The following CNN3 variants were observed in gnomAD, a reference collection of about 807,000 sequenced individuals.
CNN3 encodes the protein calponin 3.
CNN3 carries 11 observed loss-of-function variants against 39.0 expected under a neutral mutation model. The ratio of observed to expected loss-of-function variants is 0.28; its 90% CI spans 0.18 to 0.47. The LOEUF (loss-of-function observed/expected upper bound fraction) is 0.47, where lower values mean the gene tolerates loss of function less well. Ranked by LOEUF, CNN3 falls within the 20% of genes least tolerant of loss-of-function variation. The pLI is 0.99. For missense variants in CNN3, 266 were observed against 403.4 expected (o/e 0.66, Z 2.92); for synonymous variants, 101 against 138.3 (o/e 0.73, Z 1.89).
At chr1:94,910,422 G>C (rs548209239) in intron 1 of CNN3, among the ~76,000 whole-genome samples, 3 of 151,876 alleles carry the variant, frequency 2.0e-5, no homozygotes, top group Non-Finnish European at 4.4e-5. Flanking sequence ...AGAGAACAAT[G>C]GGGGCTAACA....
At chr1:94,913,227 T>C (rs1341197976) in intron 1 of CNN3, among the ~76,000 whole-genome samples, 6 of 152,182 alleles carry the variant, frequency 3.9e-5, no homozygotes, top group African/African-American at 1.2e-4. Context: ...CTTCATAAAA[T>C]AGTATTGCTT....
chr1:94,917,068 C>T (rs1671302757), intron 1 of CNN3, among the ~76,000 whole-genome samples: 1 of 152,128 alleles, frequency 6.6e-6, no homozygotes, highest in African/African-American at 2.4e-5. Context: ...TGGAATTTCG[C>T]TCTTGTTGCA....
chr1:94,915,956 A>G (rs1671269553), intron 1 of CNN3, among the ~76,000 whole-genome samples: 1 of 151,516 alleles, frequency 6.6e-6, no homozygotes, highest in East Asian at 1.9e-4. Context: ...CTTCCCACTG[A>G]CCCTCCTGCC....
At chr1:94,901,403 A>T (rs372076761) in intron 5 of CNN3, among the ~76,000 whole-genome samples, 20,175 of 149,854 alleles carry the variant, frequency 0.13, 1,563 homozygotes, top group African/African-American at 0.2. Flanking sequence ...TTTCTTTTTT[A>T]AAAAAAAAAA....
chr1:94,913,566 T>C (rs1671216403), intron 1 of CNN3, among the ~76,000 whole-genome samples: 1 of 152,216 alleles, frequency 6.6e-6, no homozygotes, highest in South Asian at 2.1e-4. Flanking sequence ...GAGTGATGCA[T>C]TCTGAAGGGA....
chr1:94,922,823 T>C (rs772190361), intron 1 of CNN3, among the ~76,000 whole-genome samples: 11 of 152,212 alleles, frequency 7.2e-5, no homozygotes, highest in Non-Finnish European at 1.2e-4. Context: ...ACCAAAGATT[T>C]TGGTAATAAG....
intron 1 of CNN3, among the ~76,000 whole-genome samples, chr1:94,907,957 C>T (rs1671053189): frequency 6.6e-6 from 1 of 152,242 alleles, no homozygotes; most frequent in African/African-American, 2.4e-5. Context: ...TCTTGGCCTT[C>T]CCAAGCTGCT....
At chr1:94,914,293 G>A (rs1454517606) in intron 1 of CNN3, among the ~76,000 whole-genome samples, 1 of 152,114 alleles carries the variant, frequency 6.6e-6, no homozygotes, top group Non-Finnish European at 1.5e-5. Context: ...GTTTCAGAAT[G>A]TACACTCACT....
chr1:94,903,029 A>G, intron 3 of CNN3, 93 bp downstream of exon 3: 4 of 960,456 alleles, frequency 4.2e-6, no homozygotes, highest in Non-Finnish European at 5.9e-6. Context: ...AAAAAAAAAA[A>G]AAACACAAAA....
Position 94,899,508 on chromosome 1 carries a change from T to C in CNN3, c.511A>G (p.Asn171Asp), listed in dbSNP as rs1170946345. ...ATACCTGCCTGGCTGGCACATTTGT[T>C]GGTTCCCATCTTTTAAGTTAAAAAT... ...QSVIGLQMGT[N>D]KCASQAGMTA... Residue 171 changes from asparagine to aspartate, a missense_variant, in exon 6 of 7, where the codon AAC (asparagine) becomes GAC (aspartate). Physicochemically the swap from Asn to Asp is conservative, Grantham distance 23 (BLOSUM62 1). Transcript: ENST00000370206. 1 of 1,611,834 alleles carries C rather than the reference T, an allele frequency of 6.2e-7. No homozygotes were observed. The highest frequency in any genetic ancestry group is 1.7e-5 in the Admixed American group (1 of 59,422).
rs772876995 is a variant in CNN3, at chr1:94,926,849, C to T, written c.46G>A (p.Val16Ile). The part of the protein sequence containing the change: ...KGPSYGLSAE[V>I]KNKIASKYDH... ...CGAGCCAGGCGTACCTTGTTCTTGA[C>T]TTCGGCCGAGAGCCCATAGGAAGGG... The change falls in exon 1 of 7, where the codon GTC becomes ATC. Residue 16 changes from valine (V) to isoleucine (I), a missense_variant. By Grantham distance (29) the Val-to-Ile change is conservative (BLOSUM62 3). Transcript: ENST00000370206. This position sits in a 1 kb window ranked among gnomAD's most constrained non-coding sequence, Gnocchi z 4.2. The T allele has an allele frequency of 6.2e-6, 10 of 1,610,898 alleles. No individual in the cohort carries two copies. Among genetic ancestry groups the T allele is most frequent in the Non-Finnish European group, 8.5e-6 (10 of 1,178,516 alleles).
chr1:94,912,268 C>T (rs116757502), intron 1 of CNN3, among the ~76,000 whole-genome samples: 4,581 of 152,128 alleles, frequency 0.03, 109 homozygotes, highest in South Asian at 0.049. Context: ...AAACAAGGAG[C>T]GAACAAGTAT....
Position 94,903,451 on chromosome 1 carries a change from A to G in CNN3, c.131T>C (p.Ile44Thr), listed in dbSNP as rs1670919079. The G allele has an allele frequency of 3.7e-6, 6 of 1,611,978 alleles. No individual in the cohort carries two copies. Among genetic ancestry groups the G allele is most frequent in the Non-Finnish European group, 5.1e-6 (6 of 1,179,302 alleles). ...NWIEEVTGMS[I>T]GPNFQLGLKD... ...TAAGCCCAGCTGGAAGTTGGGGCCA[A>G]TGCTCATGCCTGTCACCTCTTCTAT... Residue 44 changes from isoleucine (I) to threonine (T), a missense_variant, in exon 2 of 7, where the codon ATT (isoleucine) becomes ACT (threonine). Physicochemically the swap from Ile to Thr is moderately conservative, Grantham distance 89 (BLOSUM62 -1). Transcript: ENST00000370206.
chr1:94,918,738 A>G (rs975920834), intron 1 of CNN3, among the ~76,000 whole-genome samples: 1 of 151,748 alleles, frequency 6.6e-6, no homozygotes, highest in Non-Finnish European at 1.5e-5. Context: ...TACAAAAAAT[A>G]CAAAAATTAG....
rs969599272 is a variant in CNN3, at chr1:94,926,932, C to A, written c.-38G>T. ...GGCGGGAAGAGACAGCGCTGGGGTC[C>A]GGGGTCTCTCGCACTTCGCTTCCCC... On this transcript the variant is annotated 5_prime_UTR_variant, in exon 1 of 7. Transcript: ENST00000370206. This position sits in a 1 kb window ranked among gnomAD's most constrained non-coding sequence, Gnocchi z 4.2. 1 of 1,594,228 alleles carries A rather than the reference C, an allele frequency of 6.3e-7. No homozygotes were observed.
At chr1:94,901,816 G>A (rs774579858) in intron 4 of CNN3, 31 bp from the exon 5 acceptor site, 4 of 1,466,090 alleles carry the variant, frequency 2.7e-6, no homozygotes, top group South Asian at 1.2e-5. Flanking sequence ...TAACTGAAAA[G>A]GCCAACAGAG....
intron 1 of CNN3, among the ~76,000 whole-genome samples, chr1:94,919,702 T>C (rs1671389838): frequency 6.6e-6 from 1 of 152,128 alleles, no homozygotes; most frequent in African/African-American, 2.4e-5. Context: ...TGGAAAATTA[T>C]CCAGCAGAGG....
At position 94,922,052 on chromosome 1, in the gene CNN3, T is replaced by A. The variant is rs143708225; in HGVS notation, c.57+4786A>T. On this transcript the variant is annotated intron_variant, in intron 1 of 6. Transcript: ENST00000370206. Reference sequence around the variant, plus strand: ...AAAGAGCCCAGTCAAAATATCTATCTTAAGAAATAATCCCAAAATCAGCAG... The same window carrying A: ...AAAGAGCCCAGTCAAAATATCTATCATAAGAAATAATCCCAAAATCAGCAG... Among the ~76,000 whole-genome samples, 18 of 152,252 alleles carry A rather than the reference T, an allele frequency of 1.2e-4. No individual in the cohort carries two copies. The East Asian group carries it at 3.5e-3, about 29-fold the overall frequency.
intron 1 of CNN3, among the ~76,000 whole-genome samples, chr1:94,918,696 C>T (rs1347096734): frequency 6.6e-6 from 1 of 151,818 alleles, no homozygotes; most frequent in Admixed American, 6.6e-5. Flanking sequence ...GAGTTCAAAA[C>T]CATCCTGGCC....
Sources: allele counts gnomAD v4.1 joint callset (sites outside exome capture counted in the v4.1 genomes callset), GRCh38; gene constraint gnomAD v4.1.1; non-coding constraint Gnocchi (gnomAD v3.1); transcripts MANE v1.5; gene names NCBI Gene and HGNC (gene_info 2026-07-23, HGNC 2026-07-21).